UNC5C: variants seen among roughly 807,000 people sequenced by gnomAD.
UNC5C encodes netrin receptor UNC5C.
In UNC5C, 47 loss-of-function variants were observed where a neutral mutation model predicts 99.8. That is an observed-to-expected ratio of 0.47 (90% CI 0.37 to 0.60). UNC5C has a LOEUF of 0.60. Ranked by LOEUF, UNC5C falls within the 20% of genes least tolerant of loss-of-function variation. UNC5C has a pLI of 0.00. For synonymous variants in UNC5C, 487 were observed against 452.2 expected (o/e 1.08, Z -0.98); for missense variants, 1,062 against 1,165.9 (o/e 0.91, Z 1.30).
chr4:95,372,602 T>G (rs1744778981), intron 1 of UNC5C, among the ~76,000 whole-genome samples: 1 of 152,220 alleles, frequency 6.6e-6, no homozygotes, highest in South Asian at 2.1e-4. Flanking sequence ...ACATCCTGAT[T>G]TTTAGTTTCT....
Position 95,476,906 on chromosome 4 carries a change from G to C in UNC5C, c.124+71828C>G, listed in dbSNP as rs1009902059. ...TCAGGTCTGAATGCCTCCAGGGTCT[G>C]TGCTCTTTTCCACAACCTTGTATGG... is the stretch of plus-strand genomic sequence containing the variant. On this transcript the variant is annotated intron_variant, in intron 1 of 15. Transcript: ENST00000453304. 2.6e-5 allele frequency among the ~76,000 whole-genome samples: 4 copies of C among 151,986 alleles called. No individual in the cohort carries two copies. In the East Asian group the frequency reaches 7.8e-4, roughly 30 times the overall value.
chr4:95,324,544 C>T (rs1204303223), intron 2 of UNC5C, among the ~76,000 whole-genome samples: 3 of 152,146 alleles, frequency 2.0e-5, no homozygotes, highest in African/African-American at 7.2e-5. Flanking sequence ...TGAAAACGGT[C>T]CCTCCTGCCA....
At chr4:95,258,584 T>C (rs1052824900) in intron 4 of UNC5C, among the ~76,000 whole-genome samples, 1 of 151,984 alleles carries the variant, frequency 6.6e-6, no homozygotes. Flanking sequence ...TTTCAATGAT[T>C]TGGGGCATAT....
intron 4 of UNC5C, among the ~76,000 whole-genome samples, chr4:95,264,774 G>T (rs997628093): frequency 1.3e-4 from 20 of 152,066 alleles, no homozygotes. Flanking sequence ...GGCCTTTCTC[G>T]TTGCTAAATC....
intron 11 of UNC5C, among the ~76,000 whole-genome samples, chr4:95,204,762 C>G (rs1217045332): frequency 6.6e-6 from 1 of 152,180 alleles, no homozygotes; most frequent in Non-Finnish European, 1.5e-5. Flanking sequence ...TGTCCCACAA[C>G]CATTTGCTGA....
rs573596074 is a variant in UNC5C at position 95,288,195 on chromosome 4, G to A, written c.491-9833C>T. On this transcript the variant is annotated intron_variant, in intron 3 of 15. Transcript: ENST00000453304. ...CCTCCTGGTTTCACACCATTCTCCT[G>A]CCTCAGCCTCCCGAGTAGCTGGGAC... Among the ~76,000 whole-genome samples, 220 of 151,988 alleles carry A rather than the reference G, an allele frequency of 1.4e-3. 1 individual carries two copies. Among genetic ancestry groups the A allele is most frequent in the Middle Eastern group, 0.01 (3 of 294 alleles).
rs59626139 is a variant in UNC5C at position 95,308,751 on chromosome 4, C to CAA, written c.347-7004_347-7003dup. ...TGGCTGACAGAGTGAGACTCTGTCT[C>CAA]AAAAAAAAAAAAAAAAAAAAAAAAA... is the stretch of plus-strand genomic sequence containing the variant. On this transcript the variant is annotated intron_variant, in intron 2 of 15. Transcript: ENST00000453304. Among the ~76,000 whole-genome samples the CAA allele has an allele frequency of 5.8e-3, 201 of 34,406 alleles. 16 individuals are homozygous for CAA. Among genetic ancestry groups the CAA allele is most frequent in the Middle Eastern group, 0.029 (1 of 34 alleles). 22.6% of individuals were successfully genotyped at this position (34,406 alleles called of 152,430 possible).
At chr4:95,417,180 C>T (rs766481855) in intron 1 of UNC5C, among the ~76,000 whole-genome samples, 1 of 152,108 alleles carries the variant, frequency 6.6e-6, no homozygotes, top group Non-Finnish European at 1.5e-5. Flanking sequence ...TGAGTGCCGT[C>T]GGGATCTCTG....
chr4:95,431,311 C>T (rs539029351), intron 1 of UNC5C, among the ~76,000 whole-genome samples: 1 of 152,058 alleles, frequency 6.6e-6, no homozygotes, highest in African/African-American at 2.4e-5. Flanking sequence ...TCAGAATCAT[C>T]TCGAAAGCCT....
chr4:95,170,175 G>A lies in UNC5C; in HGVS notation c.2609C>T (p.Ala870Val). 6.2e-7 allele frequency: 1 copy of A among 1,614,108 alleles called. No individual in the cohort carries two copies. Among genetic ancestry groups the A allele is most frequent in the Non-Finnish European group, 8.5e-7 (1 of 1,180,018 alleles). Residue 870 changes from alanine to valine, a missense_variant, in exon 15 of 16, where the codon GCC becomes GTC. Around this residue, in one of 3 missense-constraint regions of UNC5C, gnomAD observed 810 missense variants for 854.5 expected, o/e 0.95. Transcript: ENST00000453304. ...CCACCTGTCCAGGTTCAGCTTATGG[G>A]CCAGCATCCTCCAGTCATGGCCTCT... is the stretch of plus-strand genomic sequence containing the variant. ...QTRGHDWRML[A>V]HKLNLDRYLN... is the part of the protein sequence containing the mutation.
At chr4:95,183,873 AAG>A (rs1736717762) in intron 13 of UNC5C, among the ~76,000 whole-genome samples, 1 of 152,214 alleles carries the variant, frequency 6.6e-6, no homozygotes, top group Non-Finnish European at 1.5e-5. Context: ...AGAGTAAACA[AAG>A]AGCTTCTCAT....
At position 95,341,461 on chromosome 4, in the gene UNC5C, GAGAAAGAAAGAAGAAAGAGAGAGAA is replaced by G. The variant is rs1312082555; in HGVS notation, c.125-5855_125-5831del. 3.2e-3 allele frequency among the ~76,000 whole-genome samples: 439 copies of G among 136,394 alleles called. 3 individuals carry two copies. The highest frequency in any genetic ancestry group is 0.011 in the African/African-American group (407 of 37,766). The allele number at this position is 136,394 out of a possible 152,430, so 89.5% of individuals were successfully genotyped here. On this transcript the variant is annotated intron_variant, in intron 1 of 15. Coordinates refer to ENST00000453304, the MANE Select transcript of UNC5C (RefSeq NM_003728.4). ...TATACCATTTTTTTTATAAGAAAGA[GAGAAAGAAAGAAGAAAGAGAGAGAA>G]AGAAAGAAAGAAGAAAGAGAGAGAA...
intron 1 of UNC5C, among the ~76,000 whole-genome samples, chr4:95,457,029 T>G (rs1747452418): frequency 6.6e-6 from 1 of 152,124 alleles, no homozygotes; most frequent in Admixed American, 6.6e-5. Flanking sequence ...TAGATACTCT[T>G]AAGTGAATCA....
At chr4:95,384,776 C>G (rs1745165008) in intron 1 of UNC5C, among the ~76,000 whole-genome samples, 1 of 152,090 alleles carries the variant, frequency 6.6e-6, no homozygotes, top group South Asian at 2.1e-4. Flanking sequence ...TATTGCAAAG[C>G]TGGTGAGAGA....
chr4:95,413,837 C>T lies in UNC5C; in HGVS notation c.125-78206G>A, dbSNP rs758245990. On this transcript the variant is annotated intron_variant, in intron 1 of 15. Coordinates refer to ENST00000453304, the MANE Select transcript of UNC5C (RefSeq NM_003728.4). ...TGGCTACACAGCTCCCTACTGCACA[C>T]CCTGCAAATGTACAGGTGTCAAATT... is the stretch of plus-strand genomic sequence containing the variant. Among the ~76,000 whole-genome samples, 76 of 152,312 alleles carry T rather than the reference C, an allele frequency of 5.0e-4. 1 individual carries two copies. The highest frequency in any genetic ancestry group is 4.1e-3 in the Admixed American group (63 of 15,302).
intron 1 of UNC5C, among the ~76,000 whole-genome samples, chr4:95,376,927 G>A (rs774562965): frequency 1.3e-5 from 2 of 152,168 alleles, no homozygotes; most frequent in Non-Finnish European, 2.9e-5. Context: ...CTTTACAACA[G>A]TTCTGGTTGT....
Position 95,166,428 on chromosome 4 carries a change from G to A in UNC5C, c.*2806C>T, listed in dbSNP as rs895943361. 2.6e-5 allele frequency: 4 copies of A among 152,170 alleles called. No homozygotes were observed. The highest frequency in any genetic ancestry group is 2.6e-4 in the Admixed American group (4 of 15,276). The allele number at this position is 152,170 out of a possible 1,614,324, so 9.4% of individuals were successfully genotyped here. ...TCTGACAGATGAGTACCTCACACAC[G>A]AAATCAATCACTTTTCCCTTTTCTG... On this transcript the variant is annotated 3_prime_UTR_variant, in exon 16 of 16. Coordinates refer to ENST00000453304, the MANE Select transcript of UNC5C (RefSeq NM_003728.4).
At chr4:95,534,663 T>G (rs1277625797) in intron 1 of UNC5C, among the ~76,000 whole-genome samples, 2 of 152,188 alleles carry the variant, frequency 1.3e-5, no homozygotes, top group East Asian at 3.8e-4. Flanking sequence ...AACACATATA[T>G]GCTTGTTAGA....
At chr4:95,248,860 G>T (rs1000447245) in intron 5 of UNC5C, among the ~76,000 whole-genome samples, 1 of 152,138 alleles carries the variant, frequency 6.6e-6, no homozygotes, top group African/African-American at 2.4e-5. Flanking sequence ...TAGCCTAAGT[G>T]TAGTGTTCAT....
Sources: allele counts gnomAD v4.1 joint callset (sites outside exome capture counted in the v4.1 genomes callset), GRCh38; gene constraint gnomAD v4.1.1; regional missense constraint gnomAD v4.1.1; transcripts MANE v1.5; gene names NCBI Gene and HGNC (gene_info 2026-07-23, HGNC 2026-07-21).